PCDH7: variants seen among roughly 807,000 people sequenced by gnomAD.
The protein encoded by PCDH7 is protocadherin-7.
PCDH7 carries 17 observed loss-of-function variants against 58.9 expected under a neutral mutation model. The ratio of observed to expected loss-of-function variants is 0.29; its 90% CI spans 0.20 to 0.43. PCDH7 has a LOEUF of 0.43. PCDH7 is among the 20% of genes least tolerant of loss of function. The pLI is 1.00. For synonymous variants in PCDH7, 664 were observed against 616.4 expected, an observed-to-expected ratio of 1.08 and a Z score of -1.14; for missense variants, 1,274 against 1,441.0, an observed-to-expected ratio of 0.88 and a Z score of 1.88.
intron 3 of PCDH7, among the ~76,000 whole-genome samples, chr4:31,011,642 A>G (rs1420854733): frequency 6.6e-6 from 1 of 152,074 alleles, no homozygotes; most frequent in Non-Finnish European, 1.5e-5. Flanking sequence ...TGGGGTATAT[A>G]TGAATTGTCT....
At chr4:31,078,108 C>T (rs1292115179) in intron 3 of PCDH7, among the ~76,000 whole-genome samples, 1 of 152,112 alleles carries the variant, frequency 6.6e-6, no homozygotes, top group African/African-American at 2.4e-5. Context: ...CCTCCCTGAA[C>T]AAATTAGGGA....
At chr4:30,775,572 A>G (rs1721950540) in intron 1 of PCDH7, among the ~76,000 whole-genome samples, 1 of 152,024 alleles carries the variant, frequency 6.6e-6, no homozygotes, top group Non-Finnish European at 1.5e-5. Context: ...ATTATTTCGA[A>G]TTTTGCTTCT....
intron 1 of PCDH7, among the ~76,000 whole-genome samples, chr4:30,837,433 G>T (rs1390593704): frequency 6.6e-6 from 1 of 151,140 alleles, no homozygotes; most frequent in African/African-American, 2.4e-5. Context: ...AGAGATAATT[G>T]CCTACCACTT....
intron 3 of PCDH7, among the ~76,000 whole-genome samples, chr4:31,056,761 C>A (rs958302405): frequency 6.6e-6 from 1 of 151,714 alleles, no homozygotes; most frequent in Non-Finnish European, 1.5e-5. Flanking sequence ...GAAAGAGAGC[C>A]CAATGATGGG....
At chr4:30,748,241 C>A (rs749482447) in intron 1 of PCDH7, among the ~76,000 whole-genome samples, 1 of 152,038 alleles carries the variant, frequency 6.6e-6, no homozygotes, top group African/African-American at 2.4e-5. Flanking sequence ...AATCAGAGGC[C>A]GAGAAGGGGT....
At chr4:30,780,630 A>G (rs750267162) in intron 1 of PCDH7, among the ~76,000 whole-genome samples, 63 of 152,316 alleles carry the variant, frequency 4.1e-4, no homozygotes, top group African/African-American at 1.4e-3. Context: ...TAGAGCACCA[A>G]TCTTTACATA....
intron 3 of PCDH7, among the ~76,000 whole-genome samples, chr4:31,042,440 T>C (rs567431977): frequency 1.9e-4 from 29 of 152,292 alleles, no homozygotes; most frequent in African/African-American, 6.0e-4. Context: ...ATGAACAGTG[T>C]TGCAATAATT....
intron 3 of PCDH7, among the ~76,000 whole-genome samples, chr4:31,087,445 G>GA (rs1712597985): frequency 1.3e-5 from 2 of 152,034 alleles, no homozygotes; most frequent in African/African-American, 2.4e-5. Context: ...GATATTCTCA[G>GA]AAAAACCATG....
chr4:30,817,077 A>G (rs561767812), intron 1 of PCDH7, among the ~76,000 whole-genome samples: 5 of 152,328 alleles, frequency 3.3e-5, no homozygotes, highest in South Asian at 4.1e-4. Flanking sequence ...TGCAATCTCT[A>G]TTTTGAGGAA....
At chr4:30,829,690 A>T (rs568136968) in intron 1 of PCDH7, among the ~76,000 whole-genome samples, 83 of 152,178 alleles carry the variant, frequency 5.5e-4, no homozygotes, top group African/African-American at 2.0e-3. Context: ...TAAGACTATG[A>T]CAATGTCACC....
At chr4:31,061,214 A>C (rs1320277344) in intron 3 of PCDH7, among the ~76,000 whole-genome samples, 1 of 151,634 alleles carries the variant, frequency 6.6e-6, no homozygotes, top group Non-Finnish European at 1.5e-5. Context: ...GGTTTGTATC[A>C]TTTGCACTGT....
intron 1 of PCDH7, among the ~76,000 whole-genome samples, chr4:30,799,649 T>C (rs1291423390): frequency 6.6e-6 from 1 of 152,180 alleles, no homozygotes; most frequent in African/African-American, 2.4e-5. Context: ...TCTTTAACAT[T>C]GCTGTTACTC....
intron 2 of PCDH7, among the ~76,000 whole-genome samples, chr4:30,927,636 G>T (rs559649736): frequency 2.0e-5 from 3 of 152,066 alleles, no homozygotes; most frequent in Non-Finnish European, 2.9e-5. Context: ...GATGTGCTTT[G>T]TTAAACAGAT....
At chr4:31,085,915 G>A (rs1215172670) in intron 3 of PCDH7, among the ~76,000 whole-genome samples, 1 of 136,832 alleles carries the variant, frequency 7.3e-6, no homozygotes, top group Admixed American at 7.9e-5. Flanking sequence ...ATTTACAAAT[G>A]ACCATGTCAA....
At chr4:31,030,107 C>A (rs1754768616) in intron 3 of PCDH7, among the ~76,000 whole-genome samples, 1 of 150,564 alleles carries the variant, frequency 6.6e-6, no homozygotes, top group Non-Finnish European at 1.5e-5. Context: ...GACAGGACAG[C>A]CTTTGTGTGG....
At chr4:30,937,409 A>T (rs1022493489) in intron 2 of PCDH7, among the ~76,000 whole-genome samples, 3 of 152,050 alleles carry the variant, frequency 2.0e-5, no homozygotes, top group African/African-American at 7.2e-5. Context: ...AGCTATTTTG[A>T]GTCTTGGTCA....
chr4:30,947,800 C>A (rs1165791183), intron 2 of PCDH7, among the ~76,000 whole-genome samples: 1 of 152,092 alleles, frequency 6.6e-6, no homozygotes, highest in Non-Finnish European at 1.5e-5. Context: ...GAACCTATTT[C>A]TTTCCTCCTA....
At chr4:30,929,028 T>G (rs1016696173) in intron 2 of PCDH7, among the ~76,000 whole-genome samples, 1 of 152,154 alleles carries the variant, frequency 6.6e-6, no homozygotes, top group African/African-American at 2.4e-5. Flanking sequence ...GTGTCTTTCT[T>G]TTCTCTCTGC....
At chr4:30,922,151 A>G (rs1446274791) in intron 2 of PCDH7, among the ~76,000 whole-genome samples, 1 of 151,504 alleles carries the variant, frequency 6.6e-6, no homozygotes, top group Admixed American at 6.6e-5. Flanking sequence ...AATATATAAT[A>G]TGTATATAGT....
Sources: allele counts gnomAD v4.1 joint callset (sites outside exome capture counted in the v4.1 genomes callset), GRCh38; gene constraint gnomAD v4.1.1; transcripts MANE v1.5; gene names NCBI Gene and HGNC (gene_info 2026-07-23, HGNC 2026-07-21).